The following SUGCT variants were observed in gnomAD, a reference collection of about 807,000 sequenced individuals.
SUGCT encodes succinyl-CoA:glutarate-CoA transferase, also known as succinyl-CoA:glutarate CoA-transferase.
In SUGCT, 41 loss-of-function variants were observed where a neutral mutation model predicts 55.0. The ratio of observed to expected loss-of-function variants is 0.74; its 90% CI spans 0.58 to 0.97. SUGCT has a LOEUF of 0.97. Ranked by LOEUF, SUGCT falls within the 50% of genes least tolerant of loss-of-function variation. The pLI is 0.00. For synonymous variants in SUGCT, 187 were observed against 200.4 expected, an observed-to-expected ratio of 0.93 and a Z score of 0.56; for missense variants, 568 against 547.8, an observed-to-expected ratio of 1.04 and a Z score of -0.37.
downstream of SUGCT, among the ~76,000 whole-genome samples, chr7:40,865,289 ACTTTCTC>A (rs1794560359): frequency 6.6e-6 from 1 of 152,080 alleles, no homozygotes; most frequent in Non-Finnish European, 1.5e-5. Flanking sequence ...GAAAAATAGG[ACTTTCTC>A]AGTCTTTAGG....
intron 6 of SUGCT, among the ~76,000 whole-genome samples, chr7:40,228,504 G>T (rs970680010): frequency 3.9e-5 from 6 of 151,920 alleles, no homozygotes; most frequent in Admixed American, 1.3e-4. Context: ...GTGTGTGTGT[G>T]TGTGTGTTTT....
At chr7:40,476,676 C>T (rs1260586574) in intron 11 of SUGCT, among the ~76,000 whole-genome samples, 10 of 151,462 alleles carry the variant, frequency 6.6e-5, no homozygotes, top group Admixed American at 6.6e-4. Context: ...TTTTTTTTGG[C>T]ATTTAGGGCA....
At chr7:40,802,522 T>G (rs117116419) in intron 13 of SUGCT, among the ~76,000 whole-genome samples, 13 of 152,306 alleles carry the variant, frequency 8.5e-5, no homozygotes, top group Admixed American at 4.6e-4. Flanking sequence ...GCCTTACGGT[T>G]TCCACTTCGT....
chr7:40,238,752 T>C (rs1196044104), intron 7 of SUGCT, among the ~76,000 whole-genome samples: 1 of 152,022 alleles, frequency 6.6e-6, no homozygotes, highest in African/African-American at 2.4e-5. Flanking sequence ...TTTCTGGAAA[T>C]ACAAAGTTAT....
chr7:40,395,787 G>T (rs1322759061), intron 9 of SUGCT, among the ~76,000 whole-genome samples: 1 of 152,028 alleles, frequency 6.6e-6, no homozygotes, highest in Non-Finnish European at 1.5e-5. Context: ...TTAACAATTT[G>T]GGTAGTCTTG....
intron 9 of SUGCT, among the ~76,000 whole-genome samples, chr7:40,394,101 C>G (rs758567960): frequency 6.6e-6 from 1 of 152,048 alleles, no homozygotes; most frequent in African/African-American, 2.4e-5. Flanking sequence ...TGCTGAGACA[C>G]GGGCAGGATG....
intron 9 of SUGCT, among the ~76,000 whole-genome samples, chr7:40,374,707 A>G (rs767747429): frequency 4.6e-5 from 7 of 152,106 alleles, no homozygotes; most frequent in Non-Finnish European, 1.0e-4. Flanking sequence ...AGTGTCTACC[A>G]CTCTGCTTTT....
chr7:40,584,781 C>A (rs1343159607), intron 12 of SUGCT, among the ~76,000 whole-genome samples: 1 of 152,112 alleles, frequency 6.6e-6, no homozygotes, highest in Non-Finnish European at 1.5e-5. Flanking sequence ...TCCACTGTGG[C>A]GAACTATTTA....
At chr7:40,792,807 T>A (rs2128745812) in intron 13 of SUGCT, among the ~76,000 whole-genome samples, 1 of 152,220 alleles carries the variant, frequency 6.6e-6, no homozygotes, top group Middle Eastern at 3.4e-3. Context: ...AAGAATCAGG[T>A]ACTGGGCCTT....
At position 40,160,534 on chromosome 7, in the gene SUGCT, G is replaced by T. The variant is rs9942572; in HGVS notation, c.101-20413G>T. 5.8e-3 allele frequency among the ~76,000 whole-genome samples: 881 copies of T among 152,200 alleles called. 7 individuals are homozygous for T. The highest frequency in any genetic ancestry group is 0.02 in the African/African-American group (820 of 41,556). ...GTGAGCCACCATGCCCAGATGAAAT[G>T]ATTTTTTTAAAACATGAAATCTTAA... is the stretch of plus-strand genomic sequence containing the variant. On this transcript the variant is annotated intron_variant, in intron 1 of 13. Coordinates refer to ENST00000335693, the MANE Select transcript of SUGCT (RefSeq NM_001193313.2).
intron 9 of SUGCT, among the ~76,000 whole-genome samples, chr7:40,371,865 G>A (rs569583296): frequency 2.0e-5 from 3 of 151,870 alleles, no homozygotes; most frequent in East Asian, 3.9e-4. Context: ...TAAAAATCAT[G>A]TTCACTGGAA....
intron 6 of SUGCT, among the ~76,000 whole-genome samples, chr7:40,196,311 T>G (rs1017721745): frequency 6.6e-6 from 1 of 152,114 alleles, no homozygotes; most frequent in Non-Finnish European, 1.5e-5. Flanking sequence ...TCAGAAAAAT[T>G]CATAATATTT....
At chr7:40,926,936 C>A in the SUGCT span, among the ~76,000 whole-genome samples, 1 of 152,176 alleles carries the variant, frequency 6.6e-6, no homozygotes, top group Non-Finnish European at 1.5e-5. Flanking sequence ...AAGACTGATT[C>A]ATTTAATAGA....
intron 9 of SUGCT, among the ~76,000 whole-genome samples, chr7:40,391,502 A>T (rs1354220830): frequency 6.6e-6 from 1 of 152,240 alleles, no homozygotes; most frequent in Non-Finnish European, 1.5e-5. Flanking sequence ...TCAAAAGAAG[A>T]CATTTATGCA....
At chr7:40,972,610 T>C in the SUGCT span, among the ~76,000 whole-genome samples, 1 of 152,188 alleles carries the variant, frequency 6.6e-6, no homozygotes, top group African/African-American at 2.4e-5. Context: ...GCCTGCTCTT[T>C]GTCTCAGTAA....
intron 12 of SUGCT, among the ~76,000 whole-genome samples, chr7:40,728,927 T>G (rs1031259395): frequency 1.7e-4 from 26 of 152,214 alleles, no homozygotes; most frequent in Admixed American, 3.9e-4. Context: ...CCTCAGTGTT[T>G]TGTAAGTCAT....
At chr7:40,349,925 C>A (rs77302957) in intron 9 of SUGCT, among the ~76,000 whole-genome samples, 2,191 of 152,250 alleles carry the variant, frequency 0.014, 45 homozygotes, top group South Asian at 0.058. Context: ...TGAGCTCAAA[C>A]AATCCTCCTG....
At chr7:40,663,233 G>T (rs757233899) in intron 12 of SUGCT, among the ~76,000 whole-genome samples, 1 of 151,738 alleles carries the variant, frequency 6.6e-6, no homozygotes, top group Non-Finnish European at 1.5e-5. Flanking sequence ...TTAATTAAGG[G>T]TAATTCTTTT....
At chr7:40,576,107 C>T (rs1796740545) in intron 12 of SUGCT, among the ~76,000 whole-genome samples, 2 of 152,288 alleles carry the variant, frequency 1.3e-5, no homozygotes, top group East Asian at 3.9e-4. Flanking sequence ...AAGTAAAAGG[C>T]AGGCCCTTTC....
Sources: allele counts gnomAD v4.1 joint callset (sites outside exome capture counted in the v4.1 genomes callset), GRCh38; gene constraint gnomAD v4.1.1; transcripts MANE v1.5; gene names NCBI Gene and HGNC (gene_info 2026-07-23, HGNC 2026-07-21).